Variants in OPCML observed in about 807,000 individuals in gnomAD.
OPCML encodes the protein opioid binding protein/cell adhesion molecule like.
A neutral mutation model predicts 37.8 loss-of-function variants in OPCML; 13 were observed. That is an observed-to-expected ratio of 0.34 (90% CI 0.22 to 0.55). OPCML has a LOEUF of 0.55. Among genes scored for constraint, OPCML ranks in the 20% least tolerant of loss-of-function variants. The probability of loss-of-function intolerance (pLI) is 0.91; values close to 1 mark genes in which losing one functional copy is unlikely to be tolerated. For missense variants in OPCML, 341 were observed against 435.6 expected, an observed-to-expected ratio of 0.78 and a Z score of 1.93; for synonymous variants, 176 against 168.8, an observed-to-expected ratio of 1.04 and a Z score of -0.33.
At chr11:133,483,789 C>T (rs1000035993) in intron 1 of OPCML, among the ~76,000 whole-genome samples, 17 of 38,768 alleles carry the variant, frequency 4.4e-4, no homozygotes, top group Admixed American at 6.1e-4. Context: ...TGGATAGATA[C>T]ATAGATGATA....
chr11:132,512,103 C>A (rs1245385738), intron 4 of OPCML, among the ~76,000 whole-genome samples: 1 of 152,012 alleles, frequency 6.6e-6, no homozygotes, highest in Non-Finnish European at 1.5e-5. Context: ...GGCCAATGAC[C>A]ATGTGAAAAA....
chr11:132,963,358 G>A (rs975648912), intron 1 of OPCML, among the ~76,000 whole-genome samples: 2 of 151,954 alleles, frequency 1.3e-5, no homozygotes, highest in Non-Finnish European at 2.9e-5. Context: ...TTGGGAGTTC[G>A]AGGTGGGCGG....
chr11:132,420,243 A>T lies in OPCML; in HGVS notation c.967T>A (p.Cys323Ser). ...GVNSASRALA[C>S]LWLSGTLLAH... ...AAGAGGGTCCCTGATAGCCAGAGACAAGCCAGTGCTCTGGAGGCCGAGTTT... is the reference window on the plus strand; with the variant it reads ...AAGAGGGTCCCTGATAGCCAGAGACTAGCCAGTGCTCTGGAGGCCGAGTTT... The change falls in exon 8 of 8, where the codon TGT (cysteine) becomes AGT (serine). Residue 323 changes from cysteine to serine, a missense_variant. By Grantham distance (112) the Cys-to-Ser change is moderately radical. Coordinates refer to ENST00000524381, the MANE Select transcript of OPCML (RefSeq NM_001012393.5). 1 of 1,613,946 alleles carries T rather than the reference A, an allele frequency of 6.2e-7. No individual in the cohort carries two copies. The highest frequency in any genetic ancestry group is 8.5e-7 in the Non-Finnish European group (1 of 1,179,858).
intron 7 of OPCML, 32 bp from the exon 8 acceptor site, chr11:132,420,325 G>A: frequency 1.9e-6 from 3 of 1,611,488 alleles, no homozygotes; most frequent in South Asian, 1.1e-5. Flanking sequence ...AGACCCATTA[G>A]CATACACCCA....
In OPCML at chr11:132,566,797, T is replaced by C. The variant is rs116775601; in HGVS notation, c.380-37611A>G. Among the ~76,000 whole-genome samples the C allele has an allele frequency of 4.8e-3, 724 of 152,136 alleles. 4 individuals carry two copies. Among genetic ancestry groups the C allele is most frequent in the African/African-American group, 0.016 (675 of 41,520 alleles). On this transcript the variant is annotated intron_variant, in intron 3 of 7. Transcript: ENST00000524381. ...TCTTAAAATGTCAAAAGATCTAAAA[T>C]AAAGCCATGTCTAAGTCGAGATGCA...
chr11:133,029,748 C>T (rs933981558), intron 1 of OPCML, among the ~76,000 whole-genome samples: 5 of 152,030 alleles, frequency 3.3e-5, no homozygotes, highest in African/African-American at 9.7e-5. Flanking sequence ...TGAAATACTA[C>T]CTATCAGGTA....
chr11:132,926,868 GA>G (rs1945010917), intron 2 of OPCML, among the ~76,000 whole-genome samples: 2 of 151,706 alleles, frequency 1.3e-5, no homozygotes, highest in Non-Finnish European at 2.9e-5. Context: ...ATTAGACTAT[GA>G]AAAAAGGGAT....
intron 1 of OPCML, among the ~76,000 whole-genome samples, chr11:133,244,155 A>G (rs1940833807): frequency 6.6e-6 from 1 of 152,206 alleles, no homozygotes; most frequent in South Asian, 2.1e-4. Flanking sequence ...GGGTGAGGAC[A>G]CAGGCTTTGG....
chr11:132,767,151 A>G (rs1345758847), intron 2 of OPCML, among the ~76,000 whole-genome samples: 1 of 152,188 alleles, frequency 6.6e-6, no homozygotes, highest in Non-Finnish European at 1.5e-5. Flanking sequence ...TATTCTGGAA[A>G]TTTTTCTATA....
intron 1 of OPCML, among the ~76,000 whole-genome samples, chr11:133,440,598 G>A (rs1480943251): frequency 7.0e-5 from 10 of 142,500 alleles, no homozygotes; most frequent in South Asian, 2.3e-4. Context: ...ATGGTGGCAG[G>A]TGCCTGTAAT....
At chr11:132,996,304 T>C (rs1236338419) in intron 1 of OPCML, among the ~76,000 whole-genome samples, 3 of 151,978 alleles carry the variant, frequency 2.0e-5, no homozygotes, top group Non-Finnish European at 4.4e-5. Flanking sequence ...AATGTATGGG[T>C]GCAAAGAGGG....
chr11:132,538,426 A>C (rs1282175914), intron 3 of OPCML, among the ~76,000 whole-genome samples: 1 of 152,152 alleles, frequency 6.6e-6, no homozygotes, highest in Non-Finnish European at 1.5e-5. Flanking sequence ...AGAAGTGACT[A>C]TTGATGGAGG....
intron 1 of OPCML, among the ~76,000 whole-genome samples, chr11:133,248,736 T>A (rs1319175640): frequency 6.6e-6 from 1 of 152,076 alleles, no homozygotes; most frequent in Non-Finnish European, 1.5e-5. Flanking sequence ...AAGGGCATAA[T>A]TAAAGGGCTG....
chr11:132,802,572 T>G (rs1222397881), intron 2 of OPCML, among the ~76,000 whole-genome samples: 1 of 152,152 alleles, frequency 6.6e-6, no homozygotes, highest in African/African-American at 2.4e-5. Context: ...GAGGTTTTTC[T>G]GAACTACAAA....
chr11:133,218,273 G>T (rs953898114), intron 1 of OPCML, among the ~76,000 whole-genome samples: 1 of 152,030 alleles, frequency 6.6e-6, no homozygotes, highest in Non-Finnish European at 1.5e-5. Context: ...ATGTTGACTG[G>T]GTCTGTCAAG....
chr11:132,848,601 A>G (rs1941660016), intron 2 of OPCML, among the ~76,000 whole-genome samples: 1 of 152,260 alleles, frequency 6.6e-6, no homozygotes, highest in African/African-American at 2.4e-5. Flanking sequence ...CTAGAAAGGA[A>G]GAATTCATGA....
intron 2 of OPCML, among the ~76,000 whole-genome samples, chr11:132,778,701 T>C (rs1321454182): frequency 2.0e-5 from 3 of 152,132 alleles, no homozygotes; most frequent in Non-Finnish European, 1.5e-5. Flanking sequence ...AAAACTGAAA[T>C]GGGCCTTTGA....
At chr11:132,629,006 A>C (rs965970305) in intron 3 of OPCML, among the ~76,000 whole-genome samples, 2 of 152,150 alleles carry the variant, frequency 1.3e-5, no homozygotes, top group African/African-American at 4.8e-5. Context: ...GCAGGATGAG[A>C]ATGGATTACT....
At chr11:132,744,440 CT>C (rs1321774391) in intron 2 of OPCML, among the ~76,000 whole-genome samples, 1 of 152,200 alleles carries the variant, frequency 6.6e-6, no homozygotes, top group Non-Finnish European at 1.5e-5. Flanking sequence ...CAACTCAGCG[CT>C]TTCCTGAGGA....
Sources: allele counts gnomAD v4.1 joint callset (sites outside exome capture counted in the v4.1 genomes callset), GRCh38; gene constraint gnomAD v4.1.1; transcripts MANE v1.5; gene names NCBI Gene and HGNC (gene_info 2026-07-23, HGNC 2026-07-21).